Variants in PARD3B observed in about 807,000 individuals in gnomAD.
The protein encoded by PARD3B is partitioning defective 3 homolog B.
In PARD3B, 103 loss-of-function variants were observed where a neutral mutation model predicts 130.2. The ratio of observed to expected loss-of-function variants is 0.79; its 90% CI spans 0.67 to 0.93. The LOEUF is 0.93. PARD3B is among the 40% of genes least tolerant of loss of function. The probability of loss-of-function intolerance (pLI) is 0.00; values close to 1 mark genes in which losing one functional copy is unlikely to be tolerated. For missense variants in PARD3B, 1,609 were observed against 1,499.2 expected (o/e 1.07, Z -1.21); for synonymous variants, 583 against 553.2 (o/e 1.05, Z -0.76).
At chr2:205,054,449 T>A (rs1461531122) in intron 4 of PARD3B, among the ~76,000 whole-genome samples, 50 of 123,664 alleles carry the variant, frequency 4.0e-4, no homozygotes, top group South Asian at 2.3e-3. Flanking sequence ...TTTTTTTTTT[T>A]TTTTTTTTAA....
At chr2:204,586,793 C>T (rs757937507) in intron 1 of PARD3B, among the ~76,000 whole-genome samples, 3 of 152,042 alleles carry the variant, frequency 2.0e-5, no homozygotes, top group Non-Finnish European at 2.9e-5. Flanking sequence ...TAACATAGTA[C>T]GTGAAATATT....
intron 2 of PARD3B, among the ~76,000 whole-genome samples, chr2:204,742,336 C>T (rs1314978939): frequency 6.6e-6 from 1 of 152,028 alleles, no homozygotes; most frequent in Non-Finnish European, 1.5e-5. Flanking sequence ...TTGTCCTCTC[C>T]AGATTTTGAG....
chr2:205,574,639 G>A (rs762728090), intron 22 of PARD3B, among the ~76,000 whole-genome samples: 11 of 151,900 alleles, frequency 7.2e-5, no homozygotes, highest in Non-Finnish European at 1.5e-4. Context: ...GCACTCCAGT[G>A]GGGGGGCAAC....
At chr2:205,255,342 A>C (rs2040035199) in intron 16 of PARD3B, among the ~76,000 whole-genome samples, 2 of 152,178 alleles carry the variant, frequency 1.3e-5, no homozygotes, top group South Asian at 4.1e-4. Context: ...TCTCACACAT[A>C]CAACACAGAA....
At chr2:204,774,387 A>C (rs961661573) in intron 2 of PARD3B, among the ~76,000 whole-genome samples, 4 of 152,064 alleles carry the variant, frequency 2.6e-5, no homozygotes, top group Non-Finnish European at 5.9e-5. Context: ...GAAAATTCCA[A>C]GAACTAAGGC....
In PARD3B at chr2:205,589,794, G is replaced by A. The variant is rs2054320775; in HGVS notation, c.3261-25662G>A. Among the ~76,000 whole-genome samples the A allele has an allele frequency of 1.3e-5, 2 of 152,116 alleles. No homozygotes were observed. Among genetic ancestry groups the A allele is most frequent in the Non-Finnish European group, 2.9e-5 (2 of 68,042 alleles). On this transcript the variant is annotated intron_variant, in intron 22 of 22. Coordinates refer to ENST00000406610, the MANE Select transcript of PARD3B (RefSeq NM_001302769.2). This position sits in a 1 kb window ranked among gnomAD's most constrained non-coding sequence, Gnocchi z 4.1. ...ATAGGCACAGATATCTGAGCCTAAA[G>A]GAAGTTTGTCAGGAACCAAAAATCT... is the stretch of plus-strand genomic sequence containing the variant.
chr2:204,843,098 A>G (rs1173250390), intron 2 of PARD3B, among the ~76,000 whole-genome samples: 1 of 152,040 alleles, frequency 6.6e-6, no homozygotes, highest in East Asian at 1.9e-4. Flanking sequence ...TGTATTTCTG[A>G]CAGGTTCCTA....
intron 3 of PARD3B, among the ~76,000 whole-genome samples, chr2:205,004,058 A>C (rs1695059654): frequency 6.6e-6 from 1 of 152,192 alleles, no homozygotes; most frequent in Non-Finnish European, 1.5e-5. Context: ...GGAGAGTTTG[A>C]GGCAGTTTCA....
At chr2:205,020,701 CTG>C (rs1375538648) in intron 3 of PARD3B, among the ~76,000 whole-genome samples, 1 of 152,134 alleles carries the variant, frequency 6.6e-6, no homozygotes, top group Non-Finnish European at 1.5e-5. Context: ...TTTGAAACCT[CTG>C]TGTGTTGTCG....
chr2:205,156,396 A>C (rs959339291), intron 10 of PARD3B, among the ~76,000 whole-genome samples: 52 of 152,042 alleles, frequency 3.4e-4, no homozygotes, highest in Admixed American at 1.4e-3. Context: ...CATGTACCCT[A>C]AAACTTAAAG....
intron 3 of PARD3B, among the ~76,000 whole-genome samples, chr2:205,036,742 AATAT>A (rs1285616482): frequency 6.8e-6 from 1 of 148,124 alleles, no homozygotes; most frequent in East Asian, 2.0e-4. Flanking sequence ...ATGTACAAAA[AATAT>A]ATATACACAG....
At chr2:205,444,694 AAG>A (rs2047844203) in intron 20 of PARD3B, among the ~76,000 whole-genome samples, 1 of 152,202 alleles carries the variant, frequency 6.6e-6, no homozygotes, top group South Asian at 2.1e-4. Flanking sequence ...GAGACAGAGT[AAG>A]AGATGATTAC....
At chr2:204,761,433 T>TGCTC (rs1437983644) in intron 2 of PARD3B, among the ~76,000 whole-genome samples, 2 of 152,200 alleles carry the variant, frequency 1.3e-5, no homozygotes, top group Non-Finnish European at 2.9e-5. Context: ...AATGTCAAGT[T>TGCTC]GCTCAATCAG....
At chr2:205,364,810 A>C (rs1056392090) in intron 18 of PARD3B, among the ~76,000 whole-genome samples, 5 of 152,184 alleles carry the variant, frequency 3.3e-5, no homozygotes, top group Admixed American at 3.3e-4. Context: ...TTTAATTACA[A>C]TACCTACTCA....
chr2:205,443,125 T>C (rs1328188417), intron 20 of PARD3B, among the ~76,000 whole-genome samples: 1 of 152,200 alleles, frequency 6.6e-6, no homozygotes, highest in African/African-American at 2.4e-5. Context: ...TAATGTTAGG[T>C]ATTATCATCA....
In PARD3B at chr2:204,914,180, A is replaced by C. The variant is rs138161165; in HGVS notation, c.223-50972A>C. Reference sequence around the variant, plus strand: ...TGATCCGGGATGGTACCTGGGATTCAGTCTGTGAGATGAGGGTCTGTTAAC... The same window carrying C: ...TGATCCGGGATGGTACCTGGGATTCCGTCTGTGAGATGAGGGTCTGTTAAC... On this transcript the variant is annotated intron_variant, in intron 2 of 22. Coordinates refer to ENST00000406610, the MANE Select transcript of PARD3B (RefSeq NM_001302769.2). Among the ~76,000 whole-genome samples the C allele has an allele frequency of 4.6e-5, 7 of 152,318 alleles. No individual in the cohort carries two copies. The East Asian group carries it at 1.4e-3, about 29-fold the overall frequency.
intron 1 of PARD3B, among the ~76,000 whole-genome samples, chr2:204,575,820 T>C (rs139499039): frequency 1.3e-5 from 2 of 152,348 alleles, no homozygotes; most frequent in Non-Finnish European, 2.9e-5. Context: ...TCCTGTGCTT[T>C]GTTCAGTAGA....
At chr2:205,207,419 G>T (rs1406868009) in intron 15 of PARD3B, among the ~76,000 whole-genome samples, 1 of 148,758 alleles carries the variant, frequency 6.7e-6, no homozygotes, top group Non-Finnish European at 1.5e-5. Flanking sequence ...AAAAATTAAT[G>T]AATCCAAGAG....
intron 11 of PARD3B, among the ~76,000 whole-genome samples, chr2:205,163,643 C>T (rs570561476): frequency 6.6e-6 from 1 of 152,264 alleles, no homozygotes; most frequent in African/African-American, 2.4e-5. Context: ...TATCCAGAAA[C>T]ATGGCGCTTG....
Sources: gnomAD v4.1 joint callset for allele counts (sites outside exome capture counted in the v4.1 genomes callset) on GRCh38, gnomAD v4.1.1 for gene constraint, Gnocchi (gnomAD v3.1) non-coding constraint, MANE v1.5 for transcripts, NCBI Gene and HGNC (gene_info 2026-07-23, HGNC 2026-07-21) for gene names.